The following ZFYVE28 variants were observed in gnomAD, a reference collection of about 807,000 sequenced individuals.
ZFYVE28 encodes the protein lateral signaling target protein 2 homolog.
Under a neutral mutation model 82.1 loss-of-function variants are expected in ZFYVE28, and 40 were observed. The ratio of observed to expected loss-of-function variants is 0.49; its 90% CI spans 0.38 to 0.63. ZFYVE28 has a LOEUF of 0.63. Among genes scored for constraint, ZFYVE28 ranks in the 30% least tolerant of loss-of-function variants. ZFYVE28 has a pLI of 0.00. For synonymous variants in ZFYVE28, 612 were observed against 546.1 expected, an observed-to-expected ratio of 1.12 and a Z score of -1.68; for missense variants, 1,321 against 1,242.1, an observed-to-expected ratio of 1.06 and a Z score of -0.96.
rs538450066 is a variant in ZFYVE28 at position 2,372,102 on chromosome 4, C to A, written c.40-18029G>T. 6.6e-6 allele frequency among the ~76,000 whole-genome samples: 1 copy of A among 152,328 alleles called. No individual in the cohort carries two copies. The highest frequency in any genetic ancestry group is 2.1e-4 in the South Asian group (1 of 4,830). Reference sequence around the variant, plus strand: ...GCAGCGTGTGGCCGGTTCTGGTGCGCATGGCCCATGTGGACATCTGTCAGA... The same window carrying A: ...GCAGCGTGTGGCCGGTTCTGGTGCGAATGGCCCATGTGGACATCTGTCAGA... On this transcript the variant is annotated intron_variant, in intron 1 of 12. Coordinates refer to ENST00000290974, the MANE Select transcript of ZFYVE28 (RefSeq NM_020972.3). This position sits in a 1 kb window ranked among gnomAD's most constrained non-coding sequence, Gnocchi z 5.2.
At chr4:2,302,048 T>C (rs1715634263) in intron 8 of ZFYVE28, among the ~76,000 whole-genome samples, 2 of 152,294 alleles carry the variant, frequency 1.3e-5, no homozygotes, top group African/African-American at 2.4e-5. Flanking sequence ...AGGACATCTC[T>C]AGCAAGCACT....
At chr4:2,285,500 A>C (rs1017266090) in intron 8 of ZFYVE28, 10 of 152,170 alleles carry the variant, frequency 6.6e-5, no homozygotes, top group African/African-American at 2.4e-4. Flanking sequence ...GCAGGCTGGA[A>C]TCTCCCTGCT....
chr4:2,338,445 G>T (rs965696293), intron 4 of ZFYVE28, among the ~76,000 whole-genome samples: 1 of 152,060 alleles, frequency 6.6e-6, no homozygotes, highest in African/African-American at 2.4e-5. Context: ...ACAAAAAAAT[G>T]AGCCAGGCGT....
chr4:2,326,164 T>C (rs1283432528), intron 6 of ZFYVE28, among the ~76,000 whole-genome samples: 1 of 152,246 alleles, frequency 6.6e-6, no homozygotes, highest in Non-Finnish European at 1.5e-5. Flanking sequence ...CCCCTATGTT[T>C]TCTTCTAGTA....
At chr4:2,407,963 C>G (rs892906531) in intron 1 of ZFYVE28, among the ~76,000 whole-genome samples, 7 of 152,142 alleles carry the variant, frequency 4.6e-5, no homozygotes, top group African/African-American at 1.7e-4. Flanking sequence ...ACGGAGAACC[C>G]CTTTCTCCTC....
intron 1 of ZFYVE28, among the ~76,000 whole-genome samples, chr4:2,357,661 A>T (rs1313016493): frequency 1.3e-5 from 2 of 152,156 alleles, no homozygotes; most frequent in African/African-American, 2.4e-5. Flanking sequence ...GAGCCCTCAC[A>T]GTCCCTCTCC....
intron 2 of ZFYVE28, among the ~76,000 whole-genome samples, chr4:2,351,423 G>T (rs1724424960): frequency 6.6e-6 from 1 of 152,158 alleles, no homozygotes; most frequent in African/African-American, 2.4e-5. Context: ...ATCAAAAATT[G>T]ACATTTAGGG....
chr4:2,398,695 GGT>G (rs1491252852), intron 1 of ZFYVE28, among the ~76,000 whole-genome samples: 7 of 12,910 alleles, frequency 5.4e-4, no homozygotes, highest in Non-Finnish European at 9.2e-4. Context: ...CACAATGGGG[GGT>G]CGAGATCCAG....
chr4:2,302,094 G>C (rs112692687), intron 8 of ZFYVE28, among the ~76,000 whole-genome samples: 2 of 152,232 alleles, frequency 1.3e-5, no homozygotes, highest in African/African-American at 4.8e-5. Flanking sequence ...AGAGCGAGGT[G>C]GGGGCGAGTG....
At chr4:2,279,416 C>G (rs779074489) in intron 8 of ZFYVE28, among the ~76,000 whole-genome samples, 1 of 151,392 alleles carries the variant, frequency 6.6e-6, no homozygotes, top group Admixed American at 6.6e-5. Flanking sequence ...GAAGACAGAG[C>G]GAGACTCCGT....
chr4:2,389,102 C>CT (rs1729563613), intron 1 of ZFYVE28, among the ~76,000 whole-genome samples: 1 of 152,202 alleles, frequency 6.6e-6, no homozygotes, highest in Admixed American at 6.5e-5. Flanking sequence ...CCCATCTGCA[C>CT]TGTCCCAGCT....
At chr4:2,286,567 C>G (rs1163969972) in intron 8 of ZFYVE28, 1 of 152,274 alleles carries the variant, frequency 6.6e-6, no homozygotes, top group African/African-American at 2.4e-5. Context: ...TGTGCTGAGA[C>G]AGGCATCTGA....
intron 7 of ZFYVE28, among the ~76,000 whole-genome samples, chr4:2,312,726 CAAAAAAAAAA>C (rs1170479977): frequency 3.1e-5 from 2 of 64,932 alleles, no homozygotes; most frequent in African/African-American, 1.3e-4. Context: ...GACTCTGCCT[CAAAAAAAAAA>C]AAAAAAAAAA....
At chr4:2,282,431 G>A (rs6819161) in intron 8 of ZFYVE28, among the ~76,000 whole-genome samples, 11,224 of 152,252 alleles carry the variant, frequency 0.074, 1,012 homozygotes, top group African/African-American at 0.19. Flanking sequence ...GCACACAGGG[G>A]GGATAAATGG....
chr4:2,329,692 ACT>A (rs781314868), intron 6 of ZFYVE28, among the ~76,000 whole-genome samples: 11 of 152,158 alleles, frequency 7.2e-5, no homozygotes, highest in Non-Finnish European at 1.2e-4. Flanking sequence ...ATGTTAAGAA[ACT>A]CTGTAAAATA....
chr4:2,385,304 A>G (rs146217355), intron 1 of ZFYVE28, among the ~76,000 whole-genome samples: 237 of 152,300 alleles, frequency 1.6e-3, no homozygotes, highest in African/African-American at 5.6e-3. Flanking sequence ...GCAGCAGAAA[A>G]AGGTGAGACC....
intron 9 of ZFYVE28, among the ~76,000 whole-genome samples, 191 bp from the exon 10 acceptor site, chr4:2,273,480 C>G (rs868239498): frequency 1.7e-4 from 26 of 152,258 alleles, no homozygotes; most frequent in African/African-American, 6.3e-4. Context: ...ACTCGGGAGT[C>G]GAGAGAGATC....
chr4:2,368,480 A>G (rs747344929), intron 1 of ZFYVE28, among the ~76,000 whole-genome samples: 1 of 150,582 alleles, frequency 6.6e-6, no homozygotes, highest in Non-Finnish European at 1.5e-5. Context: ...GAACATTTTC[A>G]TCACCTCCGG....
At chr4:2,393,838 G>A (rs911316584) in intron 1 of ZFYVE28, among the ~76,000 whole-genome samples, 5 of 152,170 alleles carry the variant, frequency 3.3e-5, no homozygotes, top group Admixed American at 2.0e-4. Context: ...CCCAGGAGGC[G>A]TGTGCTAGTT....
Sources: gnomAD v4.1 joint callset for allele counts (sites outside exome capture counted in the v4.1 genomes callset) on GRCh38, gnomAD v4.1.1 for gene constraint, Gnocchi (gnomAD v3.1) non-coding constraint, MANE v1.5 for transcripts, NCBI Gene and HGNC (gene_info 2026-07-23, HGNC 2026-07-21) for gene names.